The following MTM1 variants were observed in gnomAD, a reference collection of about 807,000 sequenced individuals.
The protein encoded by MTM1 is myotubularin.
MTM1 carries 9 observed loss-of-function variants against 52.1 expected under a neutral mutation model. The ratio of observed to expected loss-of-function variants is 0.17; its 90% CI spans 0.10 to 0.30. The LOEUF (loss-of-function observed/expected upper bound fraction) is 0.30, where lower values mean the gene tolerates loss of function less well. MTM1 is among the 10% of genes least tolerant of loss of function. The probability of loss-of-function intolerance (pLI) is 1.00; values close to 1 mark genes in which losing one functional copy is unlikely to be tolerated. For missense variants in MTM1, 277 were observed against 470.7 expected, an observed-to-expected ratio of 0.59 and a Z score of 3.81; for synonymous variants, 136 against 163.8, an observed-to-expected ratio of 0.83 and a Z score of 1.29.
At chrX:150,572,269 CAG>C (rs1281811576) in intron 1 of MTM1, among the ~76,000 whole-genome samples, 1 of 111,820 alleles carries the variant, frequency 8.9e-6, no homozygotes, top group Admixed American at 9.5e-5. Flanking sequence ...GCCAAGTTTC[CAG>C]AGTTCGTCAG....
In MTM1 at chrX:150,672,396, G is replaced by C. The variant is rs1257170134; in HGVS notation, c.*801G>C. 2.7e-5 allele frequency: 3 copies of C among 111,845 alleles called. No individual in the cohort carries two copies. Among genetic ancestry groups the C allele is most frequent in the African/African-American group, 9.8e-5 (3 of 30,761 alleles). 9.2% of individuals were successfully genotyped at this position (111,845 alleles called of 1,213,427 possible). On this transcript the variant is annotated 3_prime_UTR_variant, in exon 15 of 15. Transcript: ENST00000370396. ...CCAAGGATGTCGGGAGCATCCTGCT[G>C]CTTAGGGGAATGTTTTCGCAAATGT...
At chrX:150,616,884 T>C (rs1557413155) in intron 5 of MTM1, among the ~76,000 whole-genome samples, 1 of 111,681 alleles carries the variant, frequency 9.0e-6, no homozygotes, top group African/African-American at 3.3e-5. Flanking sequence ...ACTCTTACTG[T>C]AGTGAGGCTT....
chrX:150,641,532 T>G lies in MTM1; in HGVS notation c.678+114T>G. ...GAATTCTATCCCAAAAAATACTTAC[T>G]AAGTGCTTTGTGAGTACAAAGTACC... On this transcript the variant is annotated intron_variant, in intron 8 of 14. Transcript: ENST00000370396. 4 of 924,169 alleles carry G rather than the reference T, an allele frequency of 4.3e-6. No individual in the cohort carries two copies. In the South Asian group the frequency reaches 8.3e-5, roughly 19 times the overall value. The allele number at this position is 924,169 out of a possible 1,213,427, so 76.2% of individuals were successfully genotyped here.
At chrX:150,576,887 T>A (rs1054065668) in intron 1 of MTM1, among the ~76,000 whole-genome samples, 1 of 112,428 alleles carries the variant, frequency 8.9e-6, no homozygotes, top group African/African-American at 3.2e-5. Context: ...GATTATTTAG[T>A]TGTGATATTT....
chrX:150,587,248 G>A (rs2038807016), intron 1 of MTM1, among the ~76,000 whole-genome samples: 1 of 111,772 alleles, frequency 8.9e-6, no homozygotes, highest in South Asian at 3.7e-4. Context: ...TGATTATTAT[G>A]TACTTCGGCT....
intron 1 of MTM1, among the ~76,000 whole-genome samples, chrX:150,586,533 T>G (rs1441593281): frequency 9.0e-6 from 1 of 111,105 alleles, no homozygotes; most frequent in African/African-American, 3.3e-5. Context: ...AAAACCTGTG[T>G]GCAGAATGGT....
chrX:150,603,219 G>A (rs181232089), intron 4 of MTM1, among the ~76,000 whole-genome samples: 548 of 112,155 alleles, frequency 4.9e-3, no homozygotes, highest in Non-Finnish European at 8.5e-3. Context: ...GAAGATGGTT[G>A]AATGATCGGT....
intron 13 of MTM1, among the ~76,000 whole-genome samples, chrX:150,662,160 CTA>C (rs782549491): frequency 1.1e-4 from 12 of 111,225 alleles, no homozygotes; most frequent in Non-Finnish European, 1.7e-4. Context: ...ACTTTTTAAA[CTA>C]TGTGCATATA....
At chrX:150,618,838 G>T (rs1384016789) in intron 5 of MTM1, among the ~76,000 whole-genome samples, 200 bp from the exon 6 acceptor site, 1 of 110,710 alleles carries the variant, frequency 9.0e-6, no homozygotes, top group East Asian at 2.8e-4. Flanking sequence ...TCACATTCAT[G>T]GCTATGACGG....
intron 1 of MTM1, among the ~76,000 whole-genome samples, chrX:150,573,045 T>G (rs947691782): frequency 8.9e-6 from 1 of 112,830 alleles, no homozygotes; most frequent in South Asian, 3.6e-4. Context: ...TTGGAGATAT[T>G]TTTTCTGATT....
intron 14 of MTM1, among the ~76,000 whole-genome samples, chrX:150,666,528 A>G (rs782568698): frequency 1.5e-4 from 17 of 112,165 alleles, no homozygotes; most frequent in Non-Finnish European, 3.2e-4. Context: ...GGGAGGTTTT[A>G]AAAATAGCCA....
At position 150,586,903 on chromosome X, in the gene MTM1, C is replaced by T. The variant is rs782290404; in HGVS notation, c.-10-5702C>T. 5.3e-4 allele frequency among the ~76,000 whole-genome samples: 46 copies of T among 86,695 alleles called. No homozygotes were observed. In the East Asian group the frequency reaches 0.016, roughly 30 times the overall value. 75.3% of individuals were successfully genotyped at this position (86,695 alleles called of 115,157 possible). A position where few individuals can be genotyped will look rare whatever the true frequency, so the allele number is the denominator to read the frequency against. On this transcript the variant is annotated intron_variant, in intron 1 of 14. Coordinates refer to ENST00000370396, the MANE Select transcript of MTM1 (RefSeq NM_000252.3). ...CACTCCAGCCTGAGCGACAGAGTGA[C>T]ACTCTGTCTCAAAAAAAAAAAAAAA...
In MTM1 at chrX:150,671,348, T is replaced by C. The variant is rs1042971231; in HGVS notation, c.1645-80T>C. ...AAAGGGCTTATTTACAAATCAGCAGTCACAGCAGATGGGTGGAACACGTGA... is the reference window on the plus strand; with the variant it reads ...AAAGGGCTTATTTACAAATCAGCAGCCACAGCAGATGGGTGGAACACGTGA... On this transcript the variant is annotated intron_variant, in intron 14 of 14. Transcript: ENST00000370396. The C allele has an allele frequency of 1.7e-5, 19 of 1,093,309 alleles. No homozygotes were observed. In the African/African-American group the frequency reaches 2.2e-4, roughly 13 times the overall value. 90.1% of individuals were successfully genotyped at this position (1,093,309 alleles called of 1,213,427 possible).
At chrX:150,569,104 G>T (rs1264824198) in intron 1 of MTM1, among the ~76,000 whole-genome samples, 3 of 113,732 alleles carry the variant, frequency 2.6e-5, no homozygotes, top group Non-Finnish European at 5.6e-5. Flanking sequence ...GGCGTCCGTC[G>T]CATCCCCGGT....
At chrX:150,658,247 G>A (rs185457230) in intron 11 of MTM1, among the ~76,000 whole-genome samples, 548 of 112,055 alleles carry the variant, frequency 4.9e-3, no homozygotes, top group Non-Finnish European at 8.6e-3. Flanking sequence ...GCAATACAAA[G>A]AATCTTCATA....
chrX:150,571,210 G>T (rs2038368305), intron 1 of MTM1, among the ~76,000 whole-genome samples: 1 of 112,349 alleles, frequency 8.9e-6, no homozygotes, highest in Admixed American at 9.4e-5. Flanking sequence ...CAGAATAATA[G>T]ATTGTTTTCA....
intron 6 of MTM1, among the ~76,000 whole-genome samples, chrX:150,627,845 G>A (rs2039596523): frequency 8.9e-6 from 1 of 112,085 alleles, no homozygotes; most frequent in Non-Finnish European, 1.9e-5. Flanking sequence ...AAGCATGACT[G>A]GTTTGGGACG....
intron 1 of MTM1, among the ~76,000 whole-genome samples, chrX:150,587,589 CA>C (rs1472817246): frequency 2.7e-5 from 3 of 112,032 alleles, no homozygotes; most frequent in African/African-American, 9.8e-5. Flanking sequence ...TACCTGGTCT[CA>C]AAATGGCTGG....
intron 1 of MTM1, among the ~76,000 whole-genome samples, chrX:150,573,563 T>C (rs992027059): frequency 8.9e-6 from 1 of 112,546 alleles, no homozygotes; most frequent in African/African-American, 3.2e-5. Flanking sequence ...GAAGGAAGCA[T>C]TGTTTATTTC....
Sources: gnomAD v4.1 joint callset for allele counts (sites outside exome capture counted in the v4.1 genomes callset) on GRCh38, gnomAD v4.1.1 for gene constraint, MANE v1.5 for transcripts, NCBI Gene and HGNC (gene_info 2026-07-23, HGNC 2026-07-21) for gene names.